OR2T35: variants seen among roughly 807,000 people sequenced by gnomAD.
The protein encoded by OR2T35 is olfactory receptor 2T35.
For missense variants in OR2T35, 47 were observed against 278.8 expected (o/e 0.17, Z 5.92); for synonymous variants, 18 against 110.2 (o/e 0.16, Z 5.24).
chr1:248,641,728 T>C (rs1660786522), intron 1 of OR2T35, among the ~76,000 whole-genome samples: 1 of 78,786 alleles, frequency 1.3e-5, no homozygotes, highest in Admixed American at 1.6e-4. Context: ...TCCTTGTGAG[T>C]GTGAGCGTTG....
chr1:248,644,188 T>TTGC (rs1174991096), intron 1 of OR2T35, among the ~76,000 whole-genome samples: 4 of 120,116 alleles, frequency 3.3e-5, no homozygotes, highest in Non-Finnish European at 7.2e-5. Context: ...GGATTGCAGG[T>TTGC]TAACTAAAAC....
chr1:248,644,148 T>G (rs113637068), intron 1 of OR2T35, among the ~76,000 whole-genome samples: 2,567 of 117,322 alleles, frequency 0.022, 5 homozygotes, highest in African/African-American at 0.076. Context: ...TCATTTAATA[T>G]TTTTTACACA....
chr1:248,641,927 T>C (rs1336620823), intron 1 of OR2T35, among the ~76,000 whole-genome samples: 3 of 72,938 alleles, frequency 4.1e-5, no homozygotes, highest in Non-Finnish European at 1.3e-4. Flanking sequence ...AAATGTGACA[T>C]GTTCAAATGC....
At chr1:248,642,232 AAAAG>A (rs1558177570) in intron 1 of OR2T35, among the ~76,000 whole-genome samples, 24 of 63,818 alleles carry the variant, frequency 3.8e-4, no homozygotes, top group African/African-American at 6.9e-4. Context: ...AAAAAAAAAA[AAAAG>A]AAAAAGAAAA....
Position 248,638,426 on chromosome 1 carries a change from T to TA in OR2T35, c.832dup (p.Tyr278LeufsTer18), listed in dbSNP as rs1660736114. 7 of 1,274,496 alleles carry TA rather than the reference T, an allele frequency of 5.5e-6. No individual in the cohort carries two copies. In the South Asian group the frequency reaches 5.9e-5, roughly 11 times the overall value. The allele number at this position is 1,274,496 out of a possible 1,614,324, so 78.9% of individuals were successfully genotyped here. A position where few individuals can be genotyped will look rare whatever the true frequency, so the allele number is the denominator to read the frequency against. On this transcript the variant is annotated frameshift_variant, in exon 2 of 2. Coordinates refer to ENST00000641268, the MANE Select transcript of OR2T35 (RefSeq NM_001001827.2). LOFTEE classifies it low-confidence loss of function (END_TRUNC). ...GTTGAGCATGGGGGTGAGGATGGTGTAGAAGGCAGACACCACTTTATCTTT... is the reference window on the plus strand; with the variant it reads ...GTTGAGCATGGGGGTGAGGATGGTGTAAGAAGGCAGACACCACTTTATCTTT...
rs538647688 is a variant in OR2T35, at chr1:248,638,895, G to T, written c.364C>A (p.Arg122Ser). Residue 122 changes from arginine (R) to serine (S), a missense_variant, in exon 2 of 2, where the codon CGC becomes AGC. Physicochemically the swap from Arg to Ser is moderately radical, Grantham distance 110. Transcript: ENST00000641268. Reference sequence around the variant, plus strand: ...AGAGGGTTGCACACAGCCACATAGCGGTCATAGGCCATGAGACCCAGCAGG... The same window carrying T: ...AGAGGGTTGCACACAGCCACATAGCTGTCATAGGCCATGAGACCCAGCAGG... ...FFLLGLMAYD[R>S]YVAVCNPLRY... is the part of the protein sequence containing the mutation. 15 of 560,116 alleles carry T rather than the reference G, an allele frequency of 2.7e-5. No homozygotes were observed. The highest frequency in any genetic ancestry group is 1.4e-4 in the South Asian group (8 of 57,588). 34.7% of individuals were successfully genotyped at this position (560,116 alleles called of 1,614,324 possible). A position where few individuals can be genotyped will look rare whatever the true frequency, so the allele number is the denominator to read the frequency against.
rs1421286155 is a variant in OR2T35, at chr1:248,639,667, G to A, written c.-22-387C>T. Among the ~76,000 whole-genome samples, 4 of 74,378 alleles carry A rather than the reference G, an allele frequency of 5.4e-5. No individual in the cohort carries two copies. The Admixed American group carries it at 5.5e-4, about 10-fold the overall frequency. The allele number at this position is 74,378 out of a possible 152,430, so 48.8% of individuals were successfully genotyped here. The stretch of plus-strand genomic sequence containing the variant: ...TGCCTTATTTCCCATTTCGCCTAGC[G>A]AAATGATTTGAATTTAAATTGCTCT... On this transcript the variant is annotated intron_variant, in intron 1 of 1. Transcript: ENST00000641268.
At chr1:248,641,692 C>T (rs188233268) in intron 1 of OR2T35, among the ~76,000 whole-genome samples, 2 of 51,816 alleles carry the variant, frequency 3.9e-5, no homozygotes, top group South Asian at 9.7e-4. Flanking sequence ...CAACCGAGAC[C>T]GTGTTAAAAA....
intron 1 of OR2T35, among the ~76,000 whole-genome samples, chr1:248,642,086 TACG>T (rs144189638): frequency 0.13 from 10,619 of 81,284 alleles, 155 homozygotes; most frequent in Non-Finnish European, 0.15. Flanking sequence ...TATTTAGCAT[TACG>T]ACGTGTGGTT....
intron 1 of OR2T35, among the ~76,000 whole-genome samples, chr1:248,642,161 TATC>T (rs1262031340): frequency 1.2e-5 from 1 of 86,482 alleles, no homozygotes; most frequent in African/African-American, 2.9e-5. Flanking sequence ...TTTCCCTCAC[TATC>T]ATCATTCTCC....
chr1:248,639,556 ATC>A (rs1365080686), intron 1 of OR2T35, among the ~76,000 whole-genome samples: 1 of 140,362 alleles, frequency 7.1e-6, no homozygotes, highest in African/African-American at 2.5e-5. Context: ...CTGGTTTAGA[ATC>A]TGATTTTTAC....
Position 248,638,301 on chromosome 1 carries a change from TCA to T in OR2T35, c.956_957del (p.Val319AspfsTer15), listed in dbSNP as rs370874670. On this transcript the variant is annotated frameshift_variant, in exon 2 of 2. Transcript: ENST00000641268. LOFTEE classifies it high-confidence loss of function. ...GGGAGTCCCTGCTAGCCCTTCCTGA[TCA>T]CAGTCGCCACCCTGATGCTCTGGGA... Reference protein sequence around the residue: ...GSSQSIRVATVIRKG With the variant: ...GSSQSIRVATXIRKG 6.9e-4 allele frequency: 376 copies of T among 544,284 alleles called. 5 individuals carry two copies. The highest frequency in any genetic ancestry group is 4.3e-3 in the African/African-American group (167 of 38,916). The allele number at this position is 544,284 out of a possible 1,614,324, so 33.7% of individuals were successfully genotyped here. A position where few individuals can be genotyped will look rare whatever the true frequency, so the allele number is the denominator to read the frequency against.
chr1:248,644,843 ATGAATGCATTTGGACCT>A (rs1290345967), intron 1 of OR2T35, among the ~76,000 whole-genome samples: 1 of 140,044 alleles, frequency 7.1e-6, no homozygotes, highest in African/African-American at 2.7e-5. Flanking sequence ...GCTTTTATGA[ATGAATGCATTTGGACCT>A]TGCTTCCTAC....
chr1:248,642,230 A>AAGAAAAAGAAAAAGAAAAAGAAAAAG (rs1553273946), intron 1 of OR2T35, among the ~76,000 whole-genome samples: 1 of 52,648 alleles, frequency 1.9e-5, no homozygotes, highest in African/African-American at 3.5e-5. Context: ...AAAAAAAAAA[A>AAGAAAAAGAAAAAGAAAAAGAAAAAG]AAAAAGAAAA....
In OR2T35 at chr1:248,643,233, T is replaced by TTA. The variant is rs1259838426; in HGVS notation, c.-23+2013_-23+2014insTA. ...GTGTTCTTTCAGTAAAAGAATGGCATGTCACCAACATGTTACTAATCCTAA... is the reference window on the plus strand; with the variant it reads ...GTGTTCTTTCAGTAAAAGAATGGCATTAGTCACCAACATGTTACTAATCCTAA... On this transcript the variant is annotated intron_variant, in intron 1 of 1. Transcript: ENST00000641268. 8.3e-3 allele frequency among the ~76,000 whole-genome samples: 408 copies of TTA among 49,356 alleles called. 2 individuals are homozygous for TTA. The highest frequency in any genetic ancestry group is 0.032 in the African/African-American group (378 of 11,802). The allele number at this position is 49,356 out of a possible 152,430, so 32.4% of individuals were successfully genotyped here.
At position 248,636,438 on chromosome 1, in the gene OR2T35, AGG is replaced by A. The variant is rs1456193193; in HGVS notation, c.*1847_*1848del. 1 of 55,236 alleles carries A rather than the reference AGG, an allele frequency of 1.8e-5. No individual in the cohort carries two copies. The highest frequency in any genetic ancestry group is 4.7e-5 in the Non-Finnish European group (1 of 21,318). 3.4% of individuals were successfully genotyped at this position (55,236 alleles called of 1,614,324 possible). A position where few individuals can be genotyped will look rare whatever the true frequency, so the allele number is the denominator to read the frequency against. ...AGAGCACAAATGCAATGTGAACTGA[AGG>A]AGTTTTGTAGAGGGAAGATCGAGAA... On this transcript the variant is annotated 3_prime_UTR_variant, in exon 2 of 2. Coordinates refer to ENST00000641268, the MANE Select transcript of OR2T35 (RefSeq NM_001001827.2).
chr1:248,645,012 AC>A (rs1558178345), intron 1 of OR2T35, among the ~76,000 whole-genome samples: 2 of 41,190 alleles, frequency 4.9e-5, no homozygotes, highest in South Asian at 1.5e-3. Context: ...TTAAATGGTA[AC>A]TGTTTTCATT....
chr1:248,644,211 AGT>A (rs1372014647), intron 1 of OR2T35, among the ~76,000 whole-genome samples: 5 of 103,324 alleles, frequency 4.8e-5, no homozygotes, highest in African/African-American at 1.7e-4. Context: ...TGGAAATGAA[AGT>A]GTTAAAGAGA....
At position 248,638,199 on chromosome 1, in the gene OR2T35, C is replaced by A; in HGVS notation, c.*88G>T. On this transcript the variant is annotated 3_prime_UTR_variant, in exon 2 of 2. Transcript: ENST00000641268. ...TTTGCACTAGTCCCTGCTAGTCCTT[C>A]CTGATCAGTCACCACCCCTGATGCT... 1 of 926,458 alleles carries A rather than the reference C, an allele frequency of 1.1e-6. No individual in the cohort carries two copies. The highest frequency in any genetic ancestry group is 1.7e-6 in the Non-Finnish European group (1 of 595,152). 57.4% of individuals were successfully genotyped at this position (926,458 alleles called of 1,614,324 possible).
Sources: gnomAD v4.1 joint callset for allele counts (sites outside exome capture counted in the v4.1 genomes callset) on GRCh38, gnomAD v4.1.1 for gene constraint, MANE v1.5 for transcripts, NCBI Gene and HGNC (gene_info 2026-07-23, HGNC 2026-07-21) for gene names.